The following TCF7L2 variants were observed in gnomAD, a reference collection of about 807,000 sequenced individuals.
The protein encoded by TCF7L2 is transcription factor 7 like 2, also known as transcription factor 7-like 2.
A neutral mutation model predicts 77.9 loss-of-function variants in TCF7L2; 23 were observed. The ratio of observed to expected loss-of-function variants is 0.30; its 90% CI spans 0.21 to 0.42. The LOEUF is 0.42. Among genes scored for constraint, TCF7L2 ranks in the 10% least tolerant of loss-of-function variants. The pLI is 1.00. For missense variants in TCF7L2, 654 were observed against 793.1 expected, an observed-to-expected ratio of 0.82 and a Z score of 2.11; for synonymous variants, 413 against 340.2, an observed-to-expected ratio of 1.21 and a Z score of -2.36.
chr10:113,071,093 G>T (rs1322257679), intron 5 of TCF7L2, among the ~76,000 whole-genome samples: 1 of 152,134 alleles, frequency 6.6e-6, no homozygotes, highest in Non-Finnish European at 1.5e-5. Flanking sequence ...GTTTTTGATG[G>T]AATCTTAGCT....
intron 5 of TCF7L2, among the ~76,000 whole-genome samples, chr10:113,059,110 A>G (rs1170257444): frequency 1.3e-5 from 2 of 152,200 alleles, no homozygotes; most frequent in Non-Finnish European, 2.9e-5. Context: ...ACAATTTGTC[A>G]GGCAGTGGCA....
At chr10:113,038,672 TC>T (rs2051834450) in intron 4 of TCF7L2, among the ~76,000 whole-genome samples, 1 of 152,294 alleles carries the variant, frequency 6.6e-6, no homozygotes, top group African/African-American at 2.4e-5. Flanking sequence ...TGTGCAGCCT[TC>T]CCCAGTCTAT....
At chr10:113,056,032 A>G (rs1008383925) in intron 5 of TCF7L2, among the ~76,000 whole-genome samples, 1 of 152,232 alleles carries the variant, frequency 6.6e-6, no homozygotes, top group Non-Finnish European at 1.5e-5. Flanking sequence ...GACTGGACCT[A>G]TATCTGGAAA....
intron 13 of TCF7L2, among the ~76,000 whole-genome samples, chr10:113,162,052 G>C (rs1464873147): frequency 6.6e-6 from 1 of 152,220 alleles, no homozygotes; most frequent in East Asian, 1.9e-4. Context: ...TGATGGAGGA[G>C]GTTAGGTATT....
intron 4 of TCF7L2, among the ~76,000 whole-genome samples, chr10:113,013,452 T>C (rs916728527): frequency 6.6e-6 from 1 of 152,062 alleles, no homozygotes; most frequent in African/African-American, 2.4e-5. Context: ...AGGGGTAAAT[T>C]TTAGGGAAAC....
chr10:113,039,509 C>T (rs979221754), intron 4 of TCF7L2, among the ~76,000 whole-genome samples: 1 of 152,168 alleles, frequency 6.6e-6, no homozygotes, highest in African/African-American at 2.4e-5. Context: ...ACTCAAGTAG[C>T]TTTTGCTACC....
intron 11 of TCF7L2, chr10:113,157,742 G>C: frequency 3.0e-6 from 1 of 338,626 alleles, no homozygotes; most frequent in Non-Finnish European, 5.6e-6. Context: ...TGTGGGTCAG[G>C]TTTGACAATG....
intron 11 of TCF7L2, among the ~76,000 whole-genome samples, chr10:113,156,129 T>TC (rs2071832931): frequency 6.6e-6 from 1 of 151,176 alleles, no homozygotes; most frequent in Non-Finnish European, 1.5e-5. Flanking sequence ...TTTTTTTTTT[T>TC]TTTTGAGACT....
intron 4 of TCF7L2, among the ~76,000 whole-genome samples, chr10:113,029,744 C>T (rs2049887215): frequency 1.3e-5 from 2 of 151,952 alleles, no homozygotes; most frequent in Admixed American, 1.3e-4. Flanking sequence ...TCAGTCTGGT[C>T]ACACAAACTC....
At chr10:112,982,532 C>T (rs2040665734) in intron 4 of TCF7L2, among the ~76,000 whole-genome samples, 1 of 152,192 alleles carries the variant, frequency 6.6e-6, no homozygotes, top group African/African-American at 2.4e-5. Flanking sequence ...TGGCGCATAT[C>T]TCTTTTTTTC....
At position 113,047,803 on chromosome 10, in the gene TCF7L2, C is replaced by T. The variant is rs547879941; in HGVS notation, c.552+7677C>T. ...GTTGGCTCCTGTGATTAAGGTCAGC[C>T]CACAATGAATGTGGGGAGGGCTGGC... On this transcript the variant is annotated intron_variant, in intron 5 of 13. Coordinates refer to ENST00000627217, the MANE Select transcript of TCF7L2 (RefSeq NM_001146274.2). Among the ~76,000 whole-genome samples, 27 of 152,256 alleles carry T rather than the reference C, an allele frequency of 1.8e-4. No individual in the cohort carries two copies. In the South Asian group the frequency reaches 3.3e-3, roughly 19 times the overall value.
In TCF7L2 at chr10:113,152,344, G is replaced by C. The variant is rs1394211599; in HGVS notation, c.1173G>C (p.Leu391=). The C allele has an allele frequency of 1.2e-6, 2 of 1,614,054 alleles. No homozygotes were observed. The highest frequency in any genetic ancestry group is 4.5e-5 in the East Asian group (2 of 44,884). Residue 391 remains leucine (L), a synonymous_variant, in exon 11 of 14, where the codon CTG becomes CTC. Coordinates refer to ENST00000627217, the MANE Select transcript of TCF7L2 (RefSeq NM_001146274.2). ...CACGTCCCCTCCAGTGGCATGCACT[G>C]TCCAGAGAAGAGCAAGCGAAATACT...
chr10:113,055,634 A>G (rs1469101924), intron 5 of TCF7L2, among the ~76,000 whole-genome samples: 2 of 152,164 alleles, frequency 1.3e-5, no homozygotes, highest in African/African-American at 2.4e-5. Flanking sequence ...GTGGCTATTC[A>G]CAGGAAAGAG....
chr10:113,138,477 T>C (rs570271392), intron 5 of TCF7L2, among the ~76,000 whole-genome samples: 1 of 152,274 alleles, frequency 6.6e-6, no homozygotes, highest in Non-Finnish European at 1.5e-5. Context: ...TCTTCCTCTT[T>C]TGTTGTAAAG....
At chr10:113,137,155 G>A (rs1037559108) in intron 5 of TCF7L2, among the ~76,000 whole-genome samples, 10 of 152,046 alleles carry the variant, frequency 6.6e-5, no homozygotes, top group African/African-American at 2.2e-4. Flanking sequence ...AAGGGTATGT[G>A]CCTGAGGAGA....
chr10:113,107,481 T>C (rs930669327), intron 5 of TCF7L2, among the ~76,000 whole-genome samples: 3 of 151,496 alleles, frequency 2.0e-5, no homozygotes, highest in South Asian at 4.1e-4. Context: ...TGGTGGCTCA[T>C]GCCTATAATC....
At position 113,151,335 on chromosome 10, in the gene TCF7L2, C is replaced by A. The variant is rs760050262; in HGVS notation, c.1001+212C>A. 6.6e-6 allele frequency among the ~76,000 whole-genome samples: 1 copy of A among 152,140 alleles called. No individual in the cohort carries two copies. The highest frequency in any genetic ancestry group is 1.5e-5 in the Non-Finnish European group (1 of 68,042). On this transcript the variant is annotated intron_variant, in intron 9 of 13. Transcript: ENST00000627217. The surrounding 1 kb of genome is among the most constrained non-coding windows in gnomAD (Gnocchi z 5.2). The stretch of plus-strand genomic sequence containing the variant: ...TGTACCACCGTGGGTTAGAACAGAA[C>A]TGTTTTTTGTGTGTGTACTTGGATA...
intron 3 of TCF7L2, among the ~76,000 whole-genome samples, chr10:112,960,343 ATT>A (rs2134443863): frequency 6.6e-6 from 1 of 152,312 alleles, no homozygotes; most frequent in African/African-American, 2.4e-5. Flanking sequence ...TGGTCTTTAC[ATT>A]GCTGAAGAAT....
intron 4 of TCF7L2, among the ~76,000 whole-genome samples, chr10:112,985,048 C>T (rs936017541): frequency 1.3e-5 from 2 of 152,146 alleles, no homozygotes; most frequent in South Asian, 2.1e-4. Flanking sequence ...AACCTCTCTC[C>T]GAGGATTAAA....
Sources: gnomAD v4.1 joint callset for allele counts (sites outside exome capture counted in the v4.1 genomes callset) on GRCh38, gnomAD v4.1.1 for gene constraint, Gnocchi (gnomAD v3.1) non-coding constraint, MANE v1.5 for transcripts, NCBI Gene and HGNC (gene_info 2026-07-23, HGNC 2026-07-21) for gene names.